VPS9D1: variants seen among roughly 807,000 people sequenced by gnomAD.
The protein encoded by VPS9D1 is VPS9 domain containing 1.
Under a neutral mutation model 75.8 loss-of-function variants are expected in VPS9D1, and 78 were observed. That is an observed-to-expected ratio of 1.03 (90% CI 0.86 to 1.24). The LOEUF (loss-of-function observed/expected upper bound fraction) is 1.24. Ranked by LOEUF, VPS9D1 falls within the 50% of genes most tolerant of loss-of-function variation. The pLI is 0.00. For missense variants in VPS9D1, 1,057 were observed against 847.7 expected (o/e 1.25, Z -3.07); for synonymous variants, 481 against 385.6 (o/e 1.25, Z -2.90).
chr16:89,710,059 G>C, intron 10 of VPS9D1, 153 bp from the exon 11 acceptor site: 1 of 1,078,106 alleles, frequency 9.3e-7, no homozygotes, highest in Non-Finnish European at 1.3e-6. Context: ...GCCCAGGGCA[G>C]GGAGTCCGGG....
In VPS9D1 at chr16:89,714,521, A is replaced by C. The variant is rs186385554; in HGVS notation, c.432-1805T>G. On this transcript the variant is annotated intron_variant, in intron 4 of 14. Coordinates refer to ENST00000389386, the MANE Select transcript of VPS9D1 (RefSeq NM_004913.3). ...AATGGAGGACAAGGAGGAAAGTCAG[A>C]GCCTGACGCCTGGCCACCCTGCCCT... Among the ~76,000 whole-genome samples, 242 of 152,306 alleles carry C rather than the reference A, an allele frequency of 1.6e-3. 1 individual carries two copies. The highest frequency in any genetic ancestry group is 1.2e-3 in the East Asian group (6 of 5,172).
Position 89,708,448 on chromosome 16 carries a change from AGGGCCGC to A in VPS9D1, c.1774_1780del (p.Ala592TrpfsTer10), listed in dbSNP as rs1567539285. On this transcript the variant is annotated frameshift_variant, in exon 14 of 15. Transcript: ENST00000389386. LOFTEE classifies it high-confidence loss of function. ...CTACCCCTCGTGGATGAACTCCTCC[AGGGCCGC>A]GCACTCCGACACCAGCTGAGGGAGG... is the stretch of plus-strand genomic sequence containing the variant. 2 of 1,612,526 alleles carry A rather than the reference AGGGCCGC, an allele frequency of 1.2e-6. No individual in the cohort carries two copies. Among genetic ancestry groups the A allele is most frequent in the Non-Finnish European group, 1.7e-6 (2 of 1,179,754 alleles).
intron 2 of VPS9D1, 98 bp from the exon 3 acceptor site, chr16:89,716,920 G>GC: frequency 1.8e-6 from 2 of 1,123,466 alleles, no homozygotes; most frequent in South Asian, 3.1e-5. Context: ...CAAGCCCACT[G>GC]CCCCCCTCAG....
At position 89,707,756 on chromosome 16, in the gene VPS9D1, T is replaced by C; in HGVS notation, c.*105A>G. ...AGCCCCCACCATGTGCAGAGCAGCG[T>C]GAGGCTCCAGGATGGTCCTCAGTAG... On this transcript the variant is annotated 3_prime_UTR_variant, in exon 15 of 15. Transcript: ENST00000389386. 1 of 1,009,082 alleles carries C rather than the reference T, an allele frequency of 9.9e-7. No homozygotes were observed. Among genetic ancestry groups the C allele is most frequent in the Non-Finnish European group, 1.5e-6 (1 of 659,048 alleles). The allele number at this position is 1,009,082 out of a possible 1,614,324, so 62.5% of individuals were successfully genotyped here. A position where few individuals can be genotyped will look rare whatever the true frequency, so the allele number is the denominator to read the frequency against.
Position 89,709,801 on chromosome 16 carries a change from C to T in VPS9D1, c.1364G>A (p.Trp455Ter), listed in dbSNP as rs1294495966. Residue 455 changes from tryptophan to a stop codon, truncating the protein, a stop_gained, in exon 11 of 15, where the codon TGG becomes TAG. Coordinates refer to ENST00000389386, the MANE Select transcript of VPS9D1 (RefSeq NM_004913.3). LOFTEE classifies it high-confidence loss of function. Reference protein sequence around the residue: ...CIEEPFFSPLWPLLLALYRSV... With the variant: ...CIEEPFFSPL The stretch of plus-strand genomic sequence containing the variant: ...CCTGTACAGGGCCAGCAGCAGAGGC[C>T]ACAGCGGGGAGAAAAAGGGTTCCTC... 5 of 1,613,630 alleles carry T rather than the reference C, an allele frequency of 3.1e-6. No homozygotes were observed. The highest frequency in any genetic ancestry group is 1.7e-5 in the Admixed American group (1 of 59,996).
chr16:89,715,225 ATTT>A (rs56372825), intron 4 of VPS9D1, among the ~76,000 whole-genome samples: 19 of 113,650 alleles, frequency 1.7e-4, no homozygotes, highest in Non-Finnish European at 1.7e-4. Context: ...TCCCAGCTAA[ATTT>A]TTTTTTTTTT....
chr16:89,709,270 C>A lies in VPS9D1; in HGVS notation c.1554G>T (p.Leu518=), dbSNP rs374932401. 5.6e-6 allele frequency: 9 copies of A among 1,611,330 alleles called. No homozygotes were observed. Among genetic ancestry groups the A allele is most frequent in the Admixed American group, 5.0e-5 (3 of 59,934 alleles). ...PYCAAAQELG[L]LVLESCPQKK... Reference sequence around the variant, plus strand: ...TCTGGGGGCAGCTCTCCAGGACCAGCAGTCCGAGCTCCTGGGCCGCCGCGC... The same window carrying A: ...TCTGGGGGCAGCTCTCCAGGACCAGAAGTCCGAGCTCCTGGGCCGCCGCGC... Residue 518 remains leucine (L), a synonymous_variant, in exon 12 of 15, where the codon CTG becomes CTT. Transcript: ENST00000389386.
chr16:89,711,593 G>A, intron 8 of VPS9D1, 181 bp from the exon 9 acceptor site: 2 of 660,248 alleles, frequency 3.0e-6, no homozygotes, highest in South Asian at 3.9e-5. Flanking sequence ...GAAACCTTAG[G>A]CGAACCCTGG....
chr16:89,707,686 T>G lies in VPS9D1; in HGVS notation c.*175A>C. ...CAACCCCAAGCTCCAGGGTCAGATG[T>G]GAGGTGAGGAAGGTGAAGAGCTGGA... On this transcript the variant is annotated 3_prime_UTR_variant, in exon 15 of 15. Coordinates refer to ENST00000389386, the MANE Select transcript of VPS9D1 (RefSeq NM_004913.3). 19 of 597,662 alleles carry G rather than the reference T, an allele frequency of 3.2e-5. No individual in the cohort carries two copies. The highest frequency in any genetic ancestry group is 3.7e-5 in the African/African-American group (2 of 53,814). 37.0% of individuals were successfully genotyped at this position (597,662 alleles called of 1,614,324 possible).
chr16:89,720,515 AG>A, intron 1 of VPS9D1: 1 of 1,148,796 alleles, frequency 8.7e-7, no homozygotes, highest in African/African-American at 1.6e-5. Context: ...GGTGGAGCCC[AG>A]GCTGTGATGC....
chr16:89,720,027 G>GT (rs1044836358), intron 1 of VPS9D1, among the ~76,000 whole-genome samples: 1 of 152,138 alleles, frequency 6.6e-6, no homozygotes. Context: ...AATATGCTAT[G>GT]TTTTTTTGTT....
At position 89,710,560 on chromosome 16, in the gene VPS9D1, C is replaced by G. The variant is rs750053300; in HGVS notation, c.1258+26G>C. ...AAGCAGGGGTGAAGAGCTGCGGCGG[C>G]TCTCCCAGGGAGGGCCTGGCCTCAC... On this transcript the variant is annotated intron_variant, in intron 10 of 14. Transcript: ENST00000389386. 9 of 1,565,168 alleles carry G rather than the reference C, an allele frequency of 5.8e-6. No individual in the cohort carries two copies. In the South Asian group the frequency reaches 9.2e-5, roughly 16 times the overall value.
intron 4 of VPS9D1, chr16:89,713,066 C>T (rs1303017737): frequency 6.1e-5 from 10 of 164,146 alleles, no homozygotes; most frequent in African/African-American, 1.7e-4. Context: ...CTTGTAATCC[C>T]AGCTACTCGG....
At chr16:89,714,596 G>T (rs947471402) in intron 4 of VPS9D1, among the ~76,000 whole-genome samples, 2 of 152,246 alleles carry the variant, frequency 1.3e-5, no homozygotes, top group African/African-American at 4.8e-5. Flanking sequence ...CCCCGCCAGA[G>T]CAGGGGCAGG....
At chr16:89,717,468 G>A (rs930991883) in intron 2 of VPS9D1, 5 of 431,494 alleles carry the variant, frequency 1.2e-5, no homozygotes, top group Admixed American at 4.9e-5. Flanking sequence ...ACCTCTGCGC[G>A]ACCATGGACC....
rs1311678451 is a variant in VPS9D1 at position 89,712,534 on chromosome 16, G to A, written c.544-12C>T. 6.8e-6 allele frequency: 11 copies of A among 1,611,818 alleles called. No individual in the cohort carries two copies. Among genetic ancestry groups the A allele is most frequent in the Non-Finnish European group, 9.3e-6 (11 of 1,179,802 alleles). ...TGTAGAGAGAGGGTCTGGGGGGGGA[G>A]GAGGGAGTAAGGCCGACTCCCCTCT... On this transcript the variant is annotated splice_polypyrimidine_tract_variant and intron_variant, in intron 5 of 14. Coordinates refer to ENST00000389386, the MANE Select transcript of VPS9D1 (RefSeq NM_004913.3).
chr16:89,711,827 C>T (rs2060934953), intron 8 of VPS9D1, 55 bp downstream of exon 8: 1 of 1,534,582 alleles, frequency 6.5e-7, no homozygotes, highest in Non-Finnish European at 8.8e-7. Flanking sequence ...GCGGCTCTGA[C>T]CCCGCCCCCC....
chr16:89,716,423 A>G, intron 4 of VPS9D1, 39 bp downstream of exon 4: 2 of 1,611,866 alleles, frequency 1.2e-6, no homozygotes, highest in East Asian at 2.2e-5. Flanking sequence ...CAAAAACCCA[A>G]TCCCAGGCTC....
chr16:89,709,248 G>A lies in VPS9D1; in HGVS notation c.1576C>T (p.Gln526Ter). ...LGLLVLESCP[Q>*]KKLECIVRTL... ...TGACCTATGCACTCCAGCTTCTTCT[G>A]GGGGCAGCTCTCCAGGACCAGCAGT... The change falls in exon 12 of 15, where the codon CAG (glutamine) becomes TAG (stop). Residue 526 changes from glutamine to a stop codon, truncating the protein, a stop_gained. Coordinates refer to ENST00000389386, the MANE Select transcript of VPS9D1 (RefSeq NM_004913.3). LOFTEE classifies it high-confidence loss of function. 6.2e-7 allele frequency: 1 copy of A among 1,611,824 alleles called. No individual in the cohort carries two copies. Among genetic ancestry groups the A allele is most frequent in the Admixed American group, 1.7e-5 (1 of 59,982 alleles).
Sources: allele counts gnomAD v4.1 joint callset (sites outside exome capture counted in the v4.1 genomes callset), GRCh38; gene constraint gnomAD v4.1.1; transcripts MANE v1.5; gene names NCBI Gene and HGNC (gene_info 2026-07-23, HGNC 2026-07-21).